PLAG1: variants seen among roughly 807,000 people sequenced by gnomAD.
PLAG1 encodes zinc finger protein PLAG1.
A neutral mutation model predicts 35.5 loss-of-function variants in PLAG1; 7 were observed. The ratio of observed to expected loss-of-function variants is 0.20; its 90% CI spans 0.11 to 0.37. The LOEUF (loss-of-function observed/expected upper bound fraction) is 0.37. Ranked by LOEUF, PLAG1 falls within the 10% of genes least tolerant of loss-of-function variation. PLAG1 has a pLI of 1.00. For synonymous variants in PLAG1, 229 were observed against 225.4 expected (o/e 1.02, Z -0.14); for missense variants, 454 against 602.8 (o/e 0.75, Z 2.58).
At chr8:56,176,275 A>G (rs1305450893) in intron 2 of PLAG1, among the ~76,000 whole-genome samples, 2 of 151,908 alleles carry the variant, frequency 1.3e-5, no homozygotes, top group African/African-American at 4.8e-5. Context: ...CTGGTCTCGA[A>G]CTGCTGGCCT....
rs1258353231 is a variant in PLAG1, at chr8:56,163,472, A to G, written c.*2771T>C. The G allele has an allele frequency of 5.0e-6, 1 of 199,214 alleles. No homozygotes were observed. The highest frequency in any genetic ancestry group is 2.3e-5 in the African/African-American group (1 of 43,334). The allele number at this position is 199,214 out of a possible 1,614,324, so 12.3% of individuals were successfully genotyped here. On this transcript the variant is annotated 3_prime_UTR_variant, in exon 5 of 5. Coordinates refer to ENST00000316981, the MANE Select transcript of PLAG1 (RefSeq NM_002655.3). ...AAATTCTCTCAAAAAGGGTTTAGTG[A>G]CCACTACAGTCAATTTTAAAAACAA...
chr8:56,208,864 A>C (rs1812772876), intron 1 of PLAG1, among the ~76,000 whole-genome samples: 1 of 152,220 alleles, frequency 6.6e-6, no homozygotes, highest in Admixed American at 6.5e-5. Flanking sequence ...TAGAAAATGA[A>C]AACTCACAGG....
chr8:56,166,533 T>G lies in PLAG1; in HGVS notation c.1213A>C (p.Ile405Leu). 6.2e-7 allele frequency: 1 copy of G among 1,613,944 alleles called. No individual in the cohort carries two copies. The highest frequency in any genetic ancestry group is 8.5e-7 in the Non-Finnish European group (1 of 1,179,926). Residue 405 changes from isoleucine (I) to leucine (L), a missense_variant, in exon 5 of 5, where the codon ATC becomes CTC. Physicochemically the swap from Ile to Leu is conservative, Grantham distance 5. Transcript: ENST00000316981. ...AGDLSLSKSSISISDPLNTPA... is the reference protein window; with the variant it reads ...AGDLSLSKSSLSISDPLNTPA... ...GTGTTTAGGGGGTCACTGATGGAGA[T>G]AGAGCTTTTGGATAGGGAGAGGTCT...
intron 1 of PLAG1, among the ~76,000 whole-genome samples, chr8:56,182,470 G>A (rs1225270913): frequency 6.6e-6 from 1 of 152,024 alleles, no homozygotes; most frequent in Non-Finnish European, 1.5e-5. Flanking sequence ...AGAACTTCAA[G>A]GAGAAGGAAG....
rs1188984572 is a variant in PLAG1, at chr8:56,161,381, T to TG, written c.*4861_*4862insC. 1 of 216,742 alleles carries TG rather than the reference T, an allele frequency of 4.6e-6. No individual in the cohort carries two copies. Among genetic ancestry groups the TG allele is most frequent in the African/African-American group, 2.3e-5 (1 of 44,396 alleles). 13.4% of individuals were successfully genotyped at this position (216,742 alleles called of 1,614,324 possible). A position where few individuals can be genotyped will look rare whatever the true frequency, so the allele number is the denominator to read the frequency against. On this transcript the variant is annotated 3_prime_UTR_variant, in exon 5 of 5. Coordinates refer to ENST00000316981, the MANE Select transcript of PLAG1 (RefSeq NM_002655.3). ...TTTTTAGAGTACTAGTCCAAACACTTTTTCATTAGCTAAAAATACAATTTC... is the reference window on the plus strand; with the variant it reads ...TTTTTAGAGTACTAGTCCAAACACTTGTTTCATTAGCTAAAAATACAATTTC...
At chr8:56,196,142 A>C (rs1425283174) in intron 1 of PLAG1, among the ~76,000 whole-genome samples, 1 of 152,190 alleles carries the variant, frequency 6.6e-6, no homozygotes, top group Non-Finnish European at 1.5e-5. Flanking sequence ...GGGGAGCCAA[A>C]GGCACATGAT....
chr8:56,178,569 T>C (rs1585791335), intron 2 of PLAG1, among the ~76,000 whole-genome samples: 1 of 152,204 alleles, frequency 6.6e-6, no homozygotes, highest in East Asian at 1.9e-4. Context: ...TTAATTCGTG[T>C]ACCTTTGATT....
At chr8:56,190,420 G>C (rs1299171578) in intron 1 of PLAG1, among the ~76,000 whole-genome samples, 2 of 152,198 alleles carry the variant, frequency 1.3e-5, no homozygotes, top group African/African-American at 4.8e-5. Context: ...GTTTCAGGGA[G>C]GTAGAGCCAA....
chr8:56,206,800 A>C (rs1812712836), intron 1 of PLAG1, among the ~76,000 whole-genome samples: 3 of 151,996 alleles, frequency 2.0e-5, no homozygotes, highest in Admixed American at 2.0e-4. Context: ...GTTTCAGAAA[A>C]GGTGTTTATC....
At chr8:56,206,258 C>G (rs1001643779) in intron 1 of PLAG1, among the ~76,000 whole-genome samples, 2 of 151,836 alleles carry the variant, frequency 1.3e-5, no homozygotes, top group Non-Finnish European at 2.9e-5. Context: ...GCAGACTAAT[C>G]GATTTAAAAG....
chr8:56,163,065 T>C lies in PLAG1; in HGVS notation c.*3178A>G, dbSNP rs548035549. On this transcript the variant is annotated 3_prime_UTR_variant, in exon 5 of 5. Coordinates refer to ENST00000316981, the MANE Select transcript of PLAG1 (RefSeq NM_002655.3). ...TACTTGTATACATCAATGGATAGCA[T>C]TGCTTACAGTGCCAAGATCCTTCCA... The C allele has an allele frequency of 8.0e-5, 17 of 211,696 alleles. 1 individual carries two copies. In the South Asian group the frequency reaches 1.5e-3, roughly 19 times the overall value. 13.1% of individuals were successfully genotyped at this position (211,696 alleles called of 1,614,324 possible).
Position 56,168,341 on chromosome 8 carries a change from G to A in PLAG1, c.-72C>T. The A allele has an allele frequency of 7.1e-7, 1 of 1,405,252 alleles. No homozygotes were observed. The allele number at this position is 1,405,252 out of a possible 1,614,324, so 87.0% of individuals were successfully genotyped here. A position where few individuals can be genotyped will look rare whatever the true frequency, so the allele number is the denominator to read the frequency against. ...ACTCCACTAAATGATATAGCTTTAG[G>A]TGGCTTCTCAAGTTTCATGTGGTCG... is the stretch of plus-strand genomic sequence containing the variant. On this transcript the variant is annotated 5_prime_UTR_variant, in exon 4 of 5. Coordinates refer to ENST00000316981, the MANE Select transcript of PLAG1 (RefSeq NM_002655.3).
chr8:56,192,142 A>G (rs1025552180), intron 1 of PLAG1, among the ~76,000 whole-genome samples: 11 of 152,168 alleles, frequency 7.2e-5, no homozygotes, highest in Middle Eastern at 3.2e-3. Context: ...CATGGTGGGG[A>G]AAGTGAAGGA....
At chr8:56,210,870 C>T (rs1812879880) in intron 1 of PLAG1, among the ~76,000 whole-genome samples, 1 of 151,840 alleles carries the variant, frequency 6.6e-6, no homozygotes, top group Middle Eastern at 3.2e-3. Flanking sequence ...GGGTCCCCAG[C>T]CGCATCGCCC....
At chr8:56,168,436 A>T (rs1377654312) in intron 3 of PLAG1, 50 bp from the exon 4 acceptor site, 1 of 878,446 alleles carries the variant, frequency 1.1e-6, no homozygotes, top group Non-Finnish European at 1.6e-6. Context: ...CTCAATTTTT[A>T]AAAATTTTAT....
Position 56,167,243 on chromosome 8 carries a change from T to C in PLAG1, c.503A>G (p.His168Arg). The change falls in exon 5 of 5, where the codon CAC (histidine) becomes CGC (arginine). Residue 168 changes from histidine (H) to arginine (R), a missense_variant. By Grantham distance (29) the His-to-Arg change is conservative. Around this residue, in one of 4 missense-constraint regions of PLAG1, gnomAD observed 170 missense variants for 226.3 expected, o/e 0.75. Coordinates refer to ENST00000316981, the MANE Select transcript of PLAG1 (RefSeq NM_002655.3). The surrounding 1 kb of genome is among the most constrained non-coding windows in gnomAD (Gnocchi z 5.9). Reference protein sequence around the residue: ...TFESTGVLLEHLKSHAGKSSG... With the variant: ...TFESTGVLLERLKSHAGKSSG... ...CGACTTGCCTGCATGAGATTTAAGG[T>C]GCTCCAGAAGCACTCCCGTGCTTTC... is the stretch of plus-strand genomic sequence containing the variant. 1 of 1,614,100 alleles carries C rather than the reference T, an allele frequency of 6.2e-7. No individual in the cohort carries two copies.
chr8:56,169,171 T>C (rs777216977), intron 3 of PLAG1, among the ~76,000 whole-genome samples: 2 of 152,298 alleles, frequency 1.3e-5, no homozygotes, highest in East Asian at 1.9e-4. Context: ...CTGAGGTTAG[T>C]AGGTAAACGA....
In PLAG1 at chr8:56,197,581, GAAATAT is replaced by G. The variant is rs372699276; in HGVS notation, c.-322+13534_-322+13539del. Among the ~76,000 whole-genome samples the G allele has an allele frequency of 3.1e-4, 47 of 152,296 alleles. No homozygotes were observed. In the East Asian group the frequency reaches 6.6e-3, roughly 21 times the overall value. ...GTCTTTCTCCCACTGGCTTTCTCCT[GAAATAT>G]AAATATAAACATAATTTACACATAC... On this transcript the variant is annotated intron_variant, in intron 1 of 4. Transcript: ENST00000316981.
chr8:56,161,152 A>C lies in PLAG1; in HGVS notation c.*5091T>G, dbSNP rs1361911652. 1 of 191,612 alleles carries C rather than the reference A, an allele frequency of 5.2e-6. No homozygotes were observed. Among genetic ancestry groups the C allele is most frequent in the Non-Finnish European group, 1.1e-5 (1 of 91,348 alleles). The allele number at this position is 191,612 out of a possible 1,614,324, so 11.9% of individuals were successfully genotyped here. ...ATTTTACAGAGCTTATACACACACA[A>C]AAAATATGATCTTTGTCTATATTTT... On this transcript the variant is annotated 3_prime_UTR_variant, in exon 5 of 5. Coordinates refer to ENST00000316981, the MANE Select transcript of PLAG1 (RefSeq NM_002655.3).
Sources: gnomAD v4.1 joint callset for allele counts (sites outside exome capture counted in the v4.1 genomes callset) on GRCh38, gnomAD v4.1.1 for gene constraint, gnomAD v4.1.1 regional missense constraint, Gnocchi (gnomAD v3.1) non-coding constraint, MANE v1.5 for transcripts, NCBI Gene and HGNC (gene_info 2026-07-23, HGNC 2026-07-21) for gene names.